SLC22A23: variants seen among roughly 807,000 people sequenced by gnomAD.
SLC22A23 encodes the protein solute carrier family 22 member 23.
SLC22A23 carries 26 observed loss-of-function variants against 61.0 expected under a neutral mutation model. That is an observed-to-expected ratio of 0.43 (90% CI 0.31 to 0.59). The LOEUF is 0.59. Among genes scored for constraint, SLC22A23 ranks in the 20% least tolerant of loss-of-function variants. The pLI, the probability that SLC22A23 is intolerant of heterozygous loss-of-function variation, is 0.11. For synonymous variants in SLC22A23, 430 were observed against 413.9 expected (o/e 1.04, Z -0.47); for missense variants, 796 against 934.7 (o/e 0.85, Z 1.94).
chr6:3,417,281 G>A (rs1203864216), intron 1 of SLC22A23, among the ~76,000 whole-genome samples: 2 of 152,166 alleles, frequency 1.3e-5, no homozygotes, highest in Non-Finnish European at 2.9e-5. Context: ...GCTTTCCAGA[G>A]GTCTGAGGAG....
intron 3 of SLC22A23, among the ~76,000 whole-genome samples, chr6:3,373,425 T>C (rs1179640186): frequency 1.3e-5 from 2 of 152,252 alleles, no homozygotes; most frequent in Non-Finnish European, 2.9e-5. Context: ...AACTATATGC[T>C]GAGTGCTGTG....
At chr6:3,432,872 G>A (rs528945955) in intron 1 of SLC22A23, among the ~76,000 whole-genome samples, 1 of 152,192 alleles carries the variant, frequency 6.6e-6, no homozygotes, top group African/African-American at 2.4e-5. Flanking sequence ...ACTCATCCCT[G>A]TTGGGAGATA....
intron 3 of SLC22A23, among the ~76,000 whole-genome samples, chr6:3,336,703 C>A (rs1268928512): frequency 6.6e-6 from 1 of 152,116 alleles, no homozygotes; most frequent in Non-Finnish European, 1.5e-5. Context: ...CCACAGAAAT[C>A]AGACCACAGA....
chr6:3,449,131 G>C (rs1385757643), intron 1 of SLC22A23, among the ~76,000 whole-genome samples: 1 of 152,176 alleles, frequency 6.6e-6, no homozygotes, highest in African/African-American at 2.4e-5. Context: ...TATATCCTCT[G>C]ACCTTTCTAG....
At chr6:3,334,779 C>T (rs1328710118) in intron 3 of SLC22A23, among the ~76,000 whole-genome samples, 2 of 152,200 alleles carry the variant, frequency 1.3e-5, no homozygotes, top group African/African-American at 2.4e-5. Context: ...AAAACACTGT[C>T]TAGGTCACAC....
chr6:3,423,580 G>C (rs1422571056), intron 1 of SLC22A23, among the ~76,000 whole-genome samples: 2 of 152,164 alleles, frequency 1.3e-5, no homozygotes, highest in African/African-American at 4.8e-5. Flanking sequence ...AAGTTAAAAA[G>C]GAAGGAGGGA....
At chr6:3,350,484 G>C (rs889267562) in intron 3 of SLC22A23, among the ~76,000 whole-genome samples, 2 of 152,158 alleles carry the variant, frequency 1.3e-5, no homozygotes, top group Admixed American at 1.3e-4. Context: ...TGTGGAATGC[G>C]GTCACACTCA....
chr6:3,301,789 C>T (rs975189472), intron 4 of SLC22A23, among the ~76,000 whole-genome samples: 1 of 152,378 alleles, frequency 6.6e-6, no homozygotes, highest in South Asian at 2.1e-4. Flanking sequence ...TTGATTTATC[C>T]TCAAGTGTTA....
chr6:3,343,629 C>T (rs1255594657), intron 3 of SLC22A23, among the ~76,000 whole-genome samples: 1 of 152,164 alleles, frequency 6.6e-6, no homozygotes, highest in Admixed American at 6.5e-5. Context: ...CCATGTTTGT[C>T]GAGACGTAAT....
chr6:3,283,832 G>T lies in SLC22A23; in HGVS notation c.1703+20C>A. On this transcript the variant is annotated intron_variant, in intron 9 of 9. Coordinates refer to ENST00000406686, the MANE Select transcript of SLC22A23 (RefSeq NM_015482.2). ...ATTTCCGAGAAGCCGGCGTCCCCTG[G>T]GGTGTCTCCCATGACGCACCTTATC... 1 of 1,613,180 alleles carries T rather than the reference G, an allele frequency of 6.2e-7. No homozygotes were observed. Among genetic ancestry groups the T allele is most frequent in the South Asian group, 1.1e-5 (1 of 91,042 alleles).
At chr6:3,273,515 T>C in intron 9 of SLC22A23, 103 bp from the exon 10 acceptor site, 10 of 1,277,544 alleles carry the variant, frequency 7.8e-6, no homozygotes, top group Non-Finnish European at 1.1e-5. Flanking sequence ...GGGGCCCTGC[T>C]GCCCTGGGCA....
At chr6:3,365,494 C>G (rs74977405) in intron 3 of SLC22A23, among the ~76,000 whole-genome samples, 2,893 of 152,232 alleles carry the variant, frequency 0.019, 38 homozygotes, top group African/African-American at 0.037. Flanking sequence ...GGCACTTGGT[C>G]TGGCTGAGCC....
chr6:3,313,919 C>T (rs1762494110), intron 4 of SLC22A23, among the ~76,000 whole-genome samples: 1 of 152,194 alleles, frequency 6.6e-6, no homozygotes, highest in African/African-American at 2.4e-5. Flanking sequence ...ATCCCAGCTA[C>T]AGGGGAGGCT....
At chr6:3,335,273 G>A (rs1456997630) in intron 3 of SLC22A23, among the ~76,000 whole-genome samples, 3 of 152,176 alleles carry the variant, frequency 2.0e-5, no homozygotes, top group South Asian at 2.1e-4. Context: ...TCTCAGCAGC[G>A]GCGGAGGCTC....
In SLC22A23 at chr6:3,333,792, G is replaced by A. The variant is rs532616386; in HGVS notation, c.914-9790C>T. ...GCCACCACCTCAGAAACACAGAGTC[G>A]GGGCCCTTCTCAGTCCTACTGTATC... On this transcript the variant is annotated intron_variant, in intron 3 of 9. Coordinates refer to ENST00000406686, the MANE Select transcript of SLC22A23 (RefSeq NM_015482.2). The surrounding 1 kb of genome is among the most constrained non-coding windows in gnomAD (Gnocchi z 4.1). 2.5e-4 allele frequency among the ~76,000 whole-genome samples: 38 copies of A among 152,300 alleles called. 1 individual carries two copies. Among genetic ancestry groups the A allele is most frequent in the South Asian group, 2.5e-3 (12 of 4,824 alleles).
At chr6:3,455,879 G>C (rs1043477625) in intron 1 of SLC22A23, 27 bp downstream of exon 1, 3 of 1,475,814 alleles carry the variant, frequency 2.0e-6, no homozygotes, top group South Asian at 2.7e-5. Flanking sequence ...GAGAGGGTTG[G>C]AGGGACTGGG....
At chr6:3,362,329 G>C (rs1765509651) in intron 3 of SLC22A23, among the ~76,000 whole-genome samples, 1 of 146,346 alleles carries the variant, frequency 6.8e-6, no homozygotes, top group African/African-American at 2.5e-5. Flanking sequence ...CTTGAATCCG[G>C]GAGGCAGAAG....
At chr6:3,403,383 G>C (rs1347276379) in intron 3 of SLC22A23, among the ~76,000 whole-genome samples, 1 of 152,014 alleles carries the variant, frequency 6.6e-6, no homozygotes, top group Admixed American at 6.5e-5. Flanking sequence ...AGTGTAATAG[G>C]ATTCCAGCCA....
chr6:3,273,448 G>C, intron 9 of SLC22A23, 36 bp from the exon 10 acceptor site: 1 of 1,602,580 alleles, frequency 6.2e-7, no homozygotes, highest in Non-Finnish European at 8.5e-7. Context: ...TTGCTGCTGT[G>C]GGCTAGCGGG....
Sources: allele counts gnomAD v4.1 joint callset (sites outside exome capture counted in the v4.1 genomes callset), GRCh38; gene constraint gnomAD v4.1.1; non-coding constraint Gnocchi (gnomAD v3.1); transcripts MANE v1.5; gene names NCBI Gene and HGNC (gene_info 2026-07-23, HGNC 2026-07-21).